CD163L1: variants seen among roughly 807,000 people sequenced by gnomAD.
The protein encoded by CD163L1 is scavenger receptor cysteine-rich type 1 protein M160.
Under a neutral mutation model 165.4 loss-of-function variants are expected in CD163L1, and 124 were observed. That is an observed-to-expected ratio of 0.75 (90% CI 0.65 to 0.87). The LOEUF is 0.87. Among genes scored for constraint, CD163L1 ranks in the 40% least tolerant of loss-of-function variants. CD163L1 has a pLI of 0.00. For missense variants in CD163L1, 1,525 were observed against 1,799.9 expected, an observed-to-expected ratio of 0.85 and a Z score of 2.76; for synonymous variants, 585 against 662.2, an observed-to-expected ratio of 0.88 and a Z score of 1.79.
chr12:7,408,374 CAGTT>C (rs969814104), intron 4 of CD163L1, among the ~76,000 whole-genome samples: 23 of 151,340 alleles, frequency 1.5e-4, no homozygotes, highest in Admixed American at 1.3e-4. Flanking sequence ...CATTGAAAGA[CAGTT>C]AGTCACAGTG....
chr12:7,368,469 C>T lies in CD163L1; in HGVS notation c.4073-272G>A, dbSNP rs1186115909. Among the ~76,000 whole-genome samples, 3 of 151,894 alleles carry T rather than the reference C, an allele frequency of 2.0e-5. No homozygotes were observed. Among genetic ancestry groups the T allele is most frequent in the African/African-American group, 7.3e-5 (3 of 41,358 alleles). On this transcript the variant is annotated intron_variant, in intron 16 of 19. Transcript: ENST00000313599. This position sits in a 1 kb window ranked among gnomAD's most constrained non-coding sequence, Gnocchi z 4.3. ...TAACTAAACCTTTCCTCTTGCATTG[C>T]ATTCACTACTAAAACACCAGAATCA...
intron 4 of CD163L1, among the ~76,000 whole-genome samples, chr12:7,348,411 A>G (rs1474729059): frequency 6.6e-6 from 1 of 152,214 alleles, no homozygotes; most frequent in Non-Finnish European, 1.5e-5. Context: ...TTATGACCCT[A>G]TTAATAAGGA....
chr12:7,396,046 G>T, intron 8 of CD163L1, 49 bp downstream of exon 8: 2 of 1,483,468 alleles, frequency 1.3e-6, no homozygotes, highest in Non-Finnish European at 1.8e-6. Flanking sequence ...AGGTATGTTA[G>T]AGAACCCAGG....
the CD163L1 span, among the ~76,000 whole-genome samples, chr12:7,341,006 T>C: frequency 2.0e-5 from 3 of 152,214 alleles, no homozygotes; most frequent in Admixed American, 6.5e-5. Context: ...AAATGACTTT[T>C]GTGCTAATTC....
At chr12:7,351,002 C>A (rs1946703088), downstream of CD163L1, among the ~76,000 whole-genome samples, 1 of 151,900 alleles carries the variant, frequency 6.6e-6, no homozygotes, top group Non-Finnish European at 1.5e-5. Flanking sequence ...TCAAATATTG[C>A]CAATTGTTTC....
chr12:7,400,375 A>T lies in CD163L1; in HGVS notation c.1409-1791T>A, dbSNP rs1947893688. ...CCAGATATACTAAATAAAAATTCATAGAAACAAAGCAAAGAAAAACTTTTA... is the reference window on the plus strand; with the variant it reads ...CCAGATATACTAAATAAAAATTCATTGAAACAAAGCAAAGAAAAACTTTTA... On this transcript the variant is annotated intron_variant, in intron 6 of 19. Transcript: ENST00000313599. This position sits in a 1 kb window ranked among gnomAD's most constrained non-coding sequence, Gnocchi z 4.1. Among the ~76,000 whole-genome samples, 1 of 152,342 alleles carries T rather than the reference A, an allele frequency of 6.6e-6. No individual in the cohort carries two copies. Among genetic ancestry groups the T allele is most frequent in the African/African-American group, 2.4e-5 (1 of 41,592 alleles).
intron 3 of CD163L1, among the ~76,000 whole-genome samples, chr12:7,433,058 A>C (rs1283732553): frequency 2.0e-5 from 3 of 152,176 alleles, no homozygotes; most frequent in Non-Finnish European, 4.4e-5. Context: ...AATCAAAGCT[A>C]ACCCTGCTCC....
downstream of CD163L1, among the ~76,000 whole-genome samples, chr12:7,343,967 A>C (rs967316313): frequency 6.6e-6 from 1 of 152,202 alleles, no homozygotes; most frequent in South Asian, 2.1e-4. Flanking sequence ...CCAAGATGCA[A>C]TGGGGTACAC....
At chr12:7,325,167 A>T in the CD163L1 span, among the ~76,000 whole-genome samples, 1 of 152,250 alleles carries the variant, frequency 6.6e-6, no homozygotes, top group Non-Finnish European at 1.5e-5. Context: ...GACTTGGATC[A>T]TACGTCTATC....
intron 2 of CD163L1, among the ~76,000 whole-genome samples, chr12:7,435,464 A>G (rs1948702664): frequency 6.6e-6 from 1 of 151,990 alleles, no homozygotes; most frequent in South Asian, 2.1e-4. Context: ...CATTAAATAC[A>G]TGGAGAAATG....
At chr12:7,388,935 A>G (rs1412427037) in intron 8 of CD163L1, among the ~76,000 whole-genome samples, 1 of 152,160 alleles carries the variant, frequency 6.6e-6, no homozygotes, top group African/African-American at 2.4e-5. Context: ...AAATCATTGA[A>G]TCTCATTCTT....
chr12:7,373,175 T>C lies in CD163L1; in HGVS notation c.3730+145A>G, dbSNP rs188275237. 1.8e-5 allele frequency: 11 copies of C among 623,088 alleles called. No individual in the cohort carries two copies. In the Admixed American group the frequency reaches 2.4e-4, roughly 13 times the overall value. 38.6% of individuals were successfully genotyped at this position (623,088 alleles called of 1,614,324 possible). A position where few individuals can be genotyped will look rare whatever the true frequency, so the allele number is the denominator to read the frequency against. The stretch of plus-strand genomic sequence containing the variant: ...AAACCAAAATAATAAAATTTCAATA[T>C]AGAACAGATGCGATAAATCAGCACT... On this transcript the variant is annotated intron_variant, in intron 14 of 19. Coordinates refer to ENST00000313599, the MANE Select transcript of CD163L1 (RefSeq NM_174941.6).
chr12:7,440,204 C>T (rs947748140), intron 2 of CD163L1, among the ~76,000 whole-genome samples: 2 of 152,166 alleles, frequency 1.3e-5, no homozygotes, highest in Admixed American at 6.5e-5. Flanking sequence ...ACTTAACACT[C>T]GCGTCGGCCG....
chr12:7,350,348 T>C (rs776504472), downstream of CD163L1, among the ~76,000 whole-genome samples: 1 of 152,298 alleles, frequency 6.6e-6, no homozygotes, highest in Admixed American at 6.5e-5. Flanking sequence ...CAGGAAACAA[T>C]GTAACTTTAG....
At chr12:7,352,249 A>G (rs1417174116), downstream of CD163L1, among the ~76,000 whole-genome samples, 2 of 152,150 alleles carry the variant, frequency 1.3e-5, no homozygotes, top group Non-Finnish European at 2.9e-5. Flanking sequence ...CCAAAGGCAA[A>G]AAATAGTTTG....
rs1014486185 is a variant in CD163L1, at chr12:7,379,058, G to C, written c.2291C>G (p.Ala764Gly). 2.0e-5 allele frequency: 33 copies of C among 1,613,994 alleles called. No homozygotes were observed. In the East Asian group the frequency reaches 7.1e-4, roughly 35 times the overall value. The change falls in exon 9 of 20, where the codon GCC becomes GGC. Residue 764 changes from alanine to glycine, a missense_variant. Coordinates refer to ENST00000313599, the MANE Select transcript of CD163L1 (RefSeq NM_174941.6). Reference sequence around the variant, plus strand: ...CCATCGTATACAATCCCAGAGAGAGGCTTCCCCTCCAGTGCAGCCAGAATT... The same window carrying C: ...CCATCGTATACAATCCCAGAGAGAGCCTTCCCCTCCAGTGCAGCCAGAATT... ...MSNSGCTGGE[A>G]SLWDCIRWEW...
At chr12:7,320,771 T>C in the CD163L1 span, 5 of 1,613,782 alleles carry the variant, frequency 3.1e-6, no homozygotes, top group South Asian at 5.5e-5. Context: ...CCTCCCACTG[T>C]GTACCGGATG....
chr12:7,389,960 T>TTATATATATATA (rs59235889), intron 8 of CD163L1, among the ~76,000 whole-genome samples: 370 of 135,926 alleles, frequency 2.7e-3, no homozygotes, highest in African/African-American at 3.9e-3. Context: ...ATATATATAT[T>TTATATATATATA]TATATATATA....
At chr12:7,399,207 CTTT>C (rs199587646) in intron 6 of CD163L1, among the ~76,000 whole-genome samples, 6 of 148,978 alleles carry the variant, frequency 4.0e-5, no homozygotes, top group African/African-American at 1.5e-4. Flanking sequence ...TCTTCTTTCT[CTTT>C]TTTTCTTCCT....
Sources: allele counts gnomAD v4.1 joint callset (sites outside exome capture counted in the v4.1 genomes callset), GRCh38; gene constraint gnomAD v4.1.1; non-coding constraint Gnocchi (gnomAD v3.1); transcripts MANE v1.5; gene names NCBI Gene and HGNC (gene_info 2026-07-23, HGNC 2026-07-21).